Variants in LMNB1 observed in about 807,000 individuals in gnomAD.
The protein encoded by LMNB1 is lamin-B1.
A neutral mutation model predicts 67.1 loss-of-function variants in LMNB1; 23 were observed. That is an observed-to-expected ratio of 0.34 (90% CI 0.25 to 0.49). LMNB1 has a LOEUF of 0.49. Ranked by LOEUF, LMNB1 falls within the 20% of genes least tolerant of loss-of-function variation. The pLI is 0.99. For synonymous variants in LMNB1, 281 were observed against 282.9 expected (o/e 0.99, Z 0.07); for missense variants, 634 against 746.5 (o/e 0.85, Z 1.76).
Position 126,790,752 on chromosome 5 carries a change from T to TACCCAA in LMNB1, c.359+12885_359+12886insACCCAA, listed in dbSNP as rs1750932494. Among the ~76,000 whole-genome samples, 3 of 152,134 alleles carry TACCCAA rather than the reference T, an allele frequency of 2.0e-5. No homozygotes were observed. In the East Asian group the frequency reaches 5.8e-4, roughly 29 times the overall value. ...ATAGTTTGGGTATAGAATTCTAGGTTGTAAATGCTATTTTCTTAGACTTTT... is the reference window on the plus strand; with the variant it reads ...ATAGTTTGGGTATAGAATTCTAGGTTACCCAAGTAAATGCTATTTTCTTAGACTTTT... On this transcript the variant is annotated intron_variant, in intron 1 of 10. Transcript: ENST00000261366.
rs754119547 is a variant in LMNB1 at position 126,810,346 on chromosome 5, C to T, written c.809C>T (p.Ala270Val). Reference protein sequence around the residue: ...YKEELEQTYHAKLENARLSSE... With the variant: ...YKEELEQTYHVKLENARLSSE... ...GAGGAGCTGGAGCAGACTTACCATG[C>T]CAAAGTGAGCTCTCTTCAGAAGATT... is the stretch of plus-strand genomic sequence containing the variant. The change falls in exon 4 of 11, where the codon GCC becomes GTC. Residue 270 changes from alanine to valine, a missense_variant. By Grantham distance (64) the Ala-to-Val change is moderately conservative. Transcript: ENST00000261366. 7.5e-6 allele frequency: 12 copies of T among 1,598,982 alleles called. No individual in the cohort carries two copies. Among genetic ancestry groups the T allele is most frequent in the Non-Finnish European group, 1.0e-5 (12 of 1,167,890 alleles).
chr5:126,787,546 A>ATATATATTTTTTTTTT lies in LMNB1; in HGVS notation c.359+9680_359+9681insATATATTTTTTTTTTT. 1.4e-4 allele frequency among the ~76,000 whole-genome samples: 9 copies of ATATATATTTTTTTTTT among 65,570 alleles called. 1 individual carries two copies. Among genetic ancestry groups the ATATATATTTTTTTTTT allele is most frequent in the African/African-American group, 2.6e-4 (4 of 15,256 alleles). The allele number at this position is 65,570 out of a possible 152,430, so 43.0% of individuals were successfully genotyped here. A position where few individuals can be genotyped will look rare whatever the true frequency, so the allele number is the denominator to read the frequency against. On this transcript the variant is annotated intron_variant, in intron 1 of 10. Coordinates refer to ENST00000261366, the MANE Select transcript of LMNB1 (RefSeq NM_005573.4). ...GGGGTATATATATATATATATATAT[A>ATATATATTTTTTTTTT]TTTTTTTTTTTTTTTTTTGAGATAG...
intron 7 of LMNB1, 52 bp downstream of exon 7, chr5:126,821,187 T>A (rs1281246847): frequency 3.4e-6 from 4 of 1,182,384 alleles, no homozygotes; most frequent in South Asian, 1.2e-5. Context: ...ATTGCTAGAT[T>A]CTCTTGCAAT....
intron 1 of LMNB1, among the ~76,000 whole-genome samples, chr5:126,796,667 G>C (rs1751100893): frequency 6.6e-6 from 1 of 152,096 alleles, no homozygotes; most frequent in African/African-American, 2.4e-5. Flanking sequence ...GGTTTTATTG[G>C]GAAAGTACAA....
intron 1 of LMNB1, among the ~76,000 whole-genome samples, chr5:126,799,079 G>A (rs887686462): frequency 6.7e-6 from 1 of 149,612 alleles, no homozygotes. Context: ...GTGCAGTGGC[G>A]CAATCTCGGC....
chr5:126,819,289 C>T, intron 6 of LMNB1, 147 bp downstream of exon 6: 1 of 577,262 alleles, frequency 1.7e-6, no homozygotes, highest in Non-Finnish European at 3.1e-6. Context: ...AGTAATAGAT[C>T]ATATTTCTAC....
intron 1 of LMNB1, among the ~76,000 whole-genome samples, chr5:126,783,125 A>G (rs1750671935): frequency 6.6e-6 from 1 of 151,908 alleles, no homozygotes; most frequent in Non-Finnish European, 1.5e-5. Context: ...TCTTGAACCC[A>G]GCAGGTGGAG....
chr5:126,798,036 T>A (rs1459190005), intron 1 of LMNB1, among the ~76,000 whole-genome samples: 2 of 152,086 alleles, frequency 1.3e-5, no homozygotes, highest in African/African-American at 4.8e-5. Flanking sequence ...CAGTCAGCCA[T>A]GATCGTGGAG....
intron 1 of LMNB1, among the ~76,000 whole-genome samples, chr5:126,788,561 T>C (rs1750868330): frequency 1.3e-5 from 2 of 152,062 alleles, no homozygotes; most frequent in Non-Finnish European, 2.9e-5. Context: ...CACTTGAACC[T>C]GGGAGGCGGA....
chr5:126,792,035 T>A (rs1335716641), intron 1 of LMNB1, among the ~76,000 whole-genome samples: 1 of 152,000 alleles, frequency 6.6e-6, no homozygotes, highest in African/African-American at 2.4e-5. Flanking sequence ...CACCTATCGC[T>A]GCCTTCCAAA....
At chr5:126,832,103 TAA>T (rs1366876599) in intron 9 of LMNB1, among the ~76,000 whole-genome samples, 1 of 152,032 alleles carries the variant, frequency 6.6e-6, no homozygotes, top group African/African-American at 2.4e-5. Flanking sequence ...CCATCTCTAC[TAA>T]AAATGTATAA....
chr5:126,778,803 A>G (rs1750551462), intron 1 of LMNB1, among the ~76,000 whole-genome samples: 1 of 152,176 alleles, frequency 6.6e-6, no homozygotes, highest in African/African-American at 2.4e-5. Flanking sequence ...CAGATAGTAG[A>G]CCAGGGCAGG....
intron 9 of LMNB1, among the ~76,000 whole-genome samples, chr5:126,830,366 TGG>T (rs1752104068): frequency 6.6e-6 from 1 of 152,250 alleles, no homozygotes; most frequent in Non-Finnish European, 1.5e-5. Flanking sequence ...TCAGGACACT[TGG>T]GGTAAACACA....
At chr5:126,831,974 A>G (rs1290698712) in intron 9 of LMNB1, among the ~76,000 whole-genome samples, 1 of 152,172 alleles carries the variant, frequency 6.6e-6, no homozygotes, top group Non-Finnish European at 1.5e-5. Flanking sequence ...CTTTAAAAAT[A>G]ATAAACAGGG....
In LMNB1 at chr5:126,832,735, T is replaced by C; in HGVS notation, c.1653T>C (p.Pro551=). The change falls in exon 10 of 11, where the codon CCT becomes CCC. Residue 551 remains proline, a synonymous_variant. Transcript: ENST00000261366. ...GTACAGTCTTTAAAACAACCATACC[T>C]GAAGAAGAGGAGGAGGAGGAAGAAG... The part of the protein sequence containing the change: ...QRSTVFKTTI[P]EEEEEEEEAA... 6.2e-7 allele frequency: 1 copy of C among 1,613,188 alleles called. No homozygotes were observed. Among genetic ancestry groups the C allele is most frequent in the Non-Finnish European group, 8.5e-7 (1 of 1,179,414 alleles).
At position 126,805,654 on chromosome 5, in the gene LMNB1, C is replaced by T; in HGVS notation, c.600C>T (p.Ser200=). Residue 200 remains serine (S), a synonymous_variant, in exon 3 of 11, where the codon AGC becomes AGT. Transcript: ENST00000261366. ...LKVDLENRCQ[S]LTEDLEFRKS... ...TAGATTTGGAGAATCGTTGTCAGAG[C>T]CTTACTGAGGACTTGGAGTTTCGCA... 1 of 1,612,706 alleles carries T rather than the reference C, an allele frequency of 6.2e-7. No homozygotes were observed. The highest frequency in any genetic ancestry group is 8.5e-7 in the Non-Finnish European group (1 of 1,179,062).
chr5:126,825,047 T>G (rs549166712), intron 8 of LMNB1, among the ~76,000 whole-genome samples: 1 of 152,342 alleles, frequency 6.6e-6, no homozygotes, highest in South Asian at 2.1e-4. Context: ...AGTCATAAAG[T>G]CTTTTATATT....
intron 6 of LMNB1, among the ~76,000 whole-genome samples, chr5:126,820,383 T>C (rs1385260645): frequency 6.6e-6 from 1 of 152,128 alleles, no homozygotes; most frequent in African/African-American, 2.4e-5. Context: ...AGAGAAAACA[T>C]TCAGATTGTT....
At chr5:126,807,320 A>T (rs1751467239) in intron 3 of LMNB1, among the ~76,000 whole-genome samples, 1 of 152,254 alleles carries the variant, frequency 6.6e-6, no homozygotes, top group African/African-American at 2.4e-5. Context: ...TCATTGTAGC[A>T]GTTAGCAAAC....
Sources: gnomAD v4.1 joint callset for allele counts (sites outside exome capture counted in the v4.1 genomes callset) on GRCh38, gnomAD v4.1.1 for gene constraint, MANE v1.5 for transcripts, NCBI Gene and HGNC (gene_info 2026-07-23, HGNC 2026-07-21) for gene names.